The following ACTR1B variants were observed in gnomAD, a reference collection of about 807,000 sequenced individuals.
ACTR1B encodes beta-centractin.
In ACTR1B, 34 loss-of-function variants were observed where a neutral mutation model predicts 49.4. That is an observed-to-expected ratio of 0.69 (90% CI 0.52 to 0.92). ACTR1B has a LOEUF of 0.92. Ranked by LOEUF, ACTR1B falls within the 40% of genes least tolerant of loss-of-function variation. The pLI, the probability that ACTR1B is intolerant of heterozygous loss-of-function variation, is 0.00. For missense variants in ACTR1B, 471 were observed against 522.4 expected (o/e 0.90, Z 0.96); for synonymous variants, 207 against 207.8 (o/e 1.00, Z 0.03).
In ACTR1B at chr2:97,660,502, A is replaced by C. The variant is rs980727107; in HGVS notation, c.189+69T>G. The C allele has an allele frequency of 4.6e-6, 7 of 1,525,658 alleles. No homozygotes were observed. The African/African-American group carries it at 9.6e-5, about 21-fold the overall frequency. 94.5% of individuals were successfully genotyped at this position (1,525,658 alleles called of 1,614,324 possible). Reference sequence around the variant, plus strand: ...CCCGGGAGGTCACCAGCAGAGGCCCAAGAACACATGCCATGTTCCTGCAAC... The same window carrying C: ...CCCGGGAGGTCACCAGCAGAGGCCCCAGAACACATGCCATGTTCCTGCAAC... On this transcript the variant is annotated intron_variant, in intron 3 of 10. Transcript: ENST00000289228.
rs984349984 is a variant in ACTR1B, at chr2:97,659,349, C to T, written c.315+3G>A. On this transcript the variant is annotated splice_donor_region_variant and intron_variant, in intron 4 of 10. Coordinates refer to ENST00000289228, the MANE Select transcript of ACTR1B (RefSeq NM_005735.4). The surrounding 1 kb of genome is among the most constrained non-coding windows in gnomAD (Gnocchi z 4.0). The stretch of plus-strand genomic sequence containing the variant: ...GAGCATGCAGGAGGGGCAGCCGCCA[C>T]ACCTCCTCCGAGAAGGTCTGCAGCT... 13 of 1,613,794 alleles carry T rather than the reference C, an allele frequency of 8.1e-6. No homozygotes were observed. In the African/African-American group the frequency reaches 1.3e-4, roughly 17 times the overall value.
rs1218382410 is a variant in ACTR1B at position 97,659,189 on chromosome 2, C to T, written c.315+163G>A. 1.3e-5 allele frequency among the ~76,000 whole-genome samples: 2 copies of T among 152,186 alleles called. No homozygotes were observed. The highest frequency in any genetic ancestry group is 2.9e-5 in the Non-Finnish European group (2 of 68,034). On this transcript the variant is annotated intron_variant, in intron 4 of 10. Coordinates refer to ENST00000289228, the MANE Select transcript of ACTR1B (RefSeq NM_005735.4). The surrounding 1 kb of genome is among the most constrained non-coding windows in gnomAD (Gnocchi z 4.0). ...ATCCGGCTCTCTTTGGAAGATTCTG[C>T]CTAGCAGCCACTGGGTACGTATGCG... is the stretch of plus-strand genomic sequence containing the variant.
chr2:97,659,620 G>T lies in ACTR1B; in HGVS notation c.190-143C>A. 7.8e-7 allele frequency: 1 copy of T among 1,275,728 alleles called. No homozygotes were observed. Among genetic ancestry groups the T allele is most frequent in the Non-Finnish European group, 1.1e-6 (1 of 921,354 alleles). 79.0% of individuals were successfully genotyped at this position (1,275,728 alleles called of 1,614,324 possible). Reference sequence around the variant, plus strand: ...CACCCCTGCTCACTGGGTGTCCCAGGGTCTGTGGCGGGTCCTGAACTCAGC... The same window carrying T: ...CACCCCTGCTCACTGGGTGTCCCAGTGTCTGTGGCGGGTCCTGAACTCAGC... On this transcript the variant is annotated intron_variant, in intron 3 of 10. Coordinates refer to ENST00000289228, the MANE Select transcript of ACTR1B (RefSeq NM_005735.4). The surrounding 1 kb of genome is among the most constrained non-coding windows in gnomAD (Gnocchi z 4.0).
chr2:97,658,097 C>A lies in ACTR1B; in HGVS notation c.771G>T (p.Arg257=). 1 of 1,614,026 alleles carries A rather than the reference C, an allele frequency of 6.2e-7. No homozygotes were observed. The highest frequency in any genetic ancestry group is 8.5e-7 in the Non-Finnish European group (1 of 1,180,020). ...CCGGCTGGAACAGCAGCTCGGGGGC[C>A]CGGAATCGTGCAGGCCCCACCTTTA... ...STLDVGPARF[R]APELLFQPDL... is the part of the protein sequence containing the mutation. The change falls in exon 8 of 11, where the codon CGG becomes CGT. Residue 257 remains arginine, a synonymous_variant. Transcript: ENST00000289228. The surrounding 1 kb of genome is among the most constrained non-coding windows in gnomAD (Gnocchi z 5.9).
intron 3 of ACTR1B, 144 bp downstream of exon 3, chr2:97,660,425 CAG>C: frequency 5.4e-6 from 4 of 738,106 alleles, no homozygotes; most frequent in Non-Finnish European, 7.0e-6. Flanking sequence ...TGCCCCATCT[CAG>C]GGGGAGGTGC....
rs1674929192 is a variant in ACTR1B at position 97,658,773 on chromosome 2, A to G, written c.440+106T>C. 1 of 1,584,782 alleles carries G rather than the reference A, an allele frequency of 6.3e-7. No individual in the cohort carries two copies. Among genetic ancestry groups the G allele is most frequent in the African/African-American group, 1.3e-5 (1 of 74,258 alleles). ...GACACGAGGGACTCCCTAGAGGAAC[A>G]GTCATCAAGGGGCTGTTTTTCCAGG... On this transcript the variant is annotated intron_variant, in intron 5 of 10. Coordinates refer to ENST00000289228, the MANE Select transcript of ACTR1B (RefSeq NM_005735.4). This position sits in a 1 kb window ranked among gnomAD's most constrained non-coding sequence, Gnocchi z 5.9.
rs1674851270 is a variant in ACTR1B at position 97,656,703 on chromosome 2, G to A, written c.*155C>T. On this transcript the variant is annotated 3_prime_UTR_variant, in exon 11 of 11. Coordinates refer to ENST00000289228, the MANE Select transcript of ACTR1B (RefSeq NM_005735.4). Reference sequence around the variant, plus strand: ...TGTGTGTGCATGTCCTGTGTAGAGGGGAAGGCTGCAGGGGGGCACTGCTGT... The same window carrying A: ...TGTGTGTGCATGTCCTGTGTAGAGGAGAAGGCTGCAGGGGGGCACTGCTGT... 1.6e-6 allele frequency: 1 copy of A among 641,528 alleles called. No individual in the cohort carries two copies. Among genetic ancestry groups the A allele is most frequent in the South Asian group, 1.8e-5 (1 of 54,968 alleles). 39.7% of individuals were successfully genotyped at this position (641,528 alleles called of 1,614,324 possible).
intron 8 of ACTR1B, 33 bp downstream of exon 8, chr2:97,657,910 G>T: frequency 1.2e-6 from 2 of 1,607,076 alleles, no homozygotes; most frequent in Non-Finnish European, 1.7e-6. Context: ...CCTGGGCCTC[G>T]TCTCACCACC....
chr2:97,657,113 T>G (rs747444244), intron 10 of ACTR1B, 39 bp downstream of exon 10: 27 of 1,605,410 alleles, frequency 1.7e-5, no homozygotes, highest in Non-Finnish European at 2.3e-5. Context: ...CAGGGTAAAG[T>G]GGTCTCCTCC....
chr2:97,662,016 G>A, intron 1 of ACTR1B, 70 bp from the exon 2 acceptor site: 2 of 1,497,992 alleles, frequency 1.3e-6, no homozygotes, highest in Non-Finnish European at 1.8e-6. Context: ...GCAATGGAGA[G>A]AGCTGGCTGC....
intron 1 of ACTR1B, 94 bp downstream of exon 1, chr2:97,663,749 G>A (rs1307738353): frequency 3.9e-6 from 3 of 771,602 alleles, no homozygotes; most frequent in East Asian, 1.2e-4. Context: ...AGTGAGCGGA[G>A]GACGCGCCGA....
chr2:97,663,959 G>A lies in ACTR1B; in HGVS notation c.-69C>T, dbSNP rs886253163. The A allele has an allele frequency of 2.4e-6, 2 of 845,388 alleles. No individual in the cohort carries two copies. Among genetic ancestry groups the A allele is most frequent in the Non-Finnish European group, 3.2e-6 (2 of 632,276 alleles). 52.4% of individuals were successfully genotyped at this position (845,388 alleles called of 1,614,324 possible). ...GCACCGGATGGGCGGGCGGGCGGGA[G>A]GACCGGGACGGCGGCGGCTCCCGAC... On this transcript the variant is annotated 5_prime_UTR_variant, in exon 1 of 11. Transcript: ENST00000289228.
intron 2 of ACTR1B, among the ~76,000 whole-genome samples, chr2:97,660,870 C>A (rs556203737): frequency 6.6e-6 from 1 of 152,194 alleles, no homozygotes; most frequent in South Asian, 2.1e-4. Context: ...TCAGCAGAGA[C>A]AGCTGCATGT....
chr2:97,663,900 G>A lies in ACTR1B; in HGVS notation c.-10C>T. 7.3e-7 allele frequency: 1 copy of A among 1,370,994 alleles called. No homozygotes were observed. Among genetic ancestry groups the A allele is most frequent in the Middle Eastern group, 2.6e-4 (1 of 3,866 alleles). 84.9% of individuals were successfully genotyped at this position (1,370,994 alleles called of 1,614,324 possible). On this transcript the variant is annotated 5_prime_UTR_variant, in exon 1 of 11. Transcript: ENST00000289228. ...TGTCGTAGGACTCCATGGCCGGGCC[G>A]CGCCGGCCCTGCCCAGCAGGCGGGC...
intron 2 of ACTR1B, 87 bp downstream of exon 2, chr2:97,661,795 T>A: frequency 1.5e-6 from 2 of 1,369,088 alleles, no homozygotes; most frequent in Non-Finnish European, 2.0e-6. Context: ...GGGCACAAAT[T>A]GTCTTCAAAG....
Position 97,658,075 on chromosome 2 carries a change from G to C in ACTR1B, c.793C>G (p.Pro265Ala). The C allele has an allele frequency of 6.2e-7, 1 of 1,614,134 alleles. No individual in the cohort carries two copies. The highest frequency in any genetic ancestry group is 1.6e-4 in the Middle Eastern group (1 of 6,062). The change falls in exon 8 of 11, where the codon CCG (proline) becomes GCG (alanine). Residue 265 changes from proline to alanine, a missense_variant. Transcript: ENST00000289228. The surrounding 1 kb of genome is among the most constrained non-coding windows in gnomAD (Gnocchi z 5.9). Reference sequence around the variant, plus strand: ...TCACTCTCATCCCCGACAAGGTCCGGCTGGAACAGCAGCTCGGGGGCCCGG... The same window carrying C: ...TCACTCTCATCCCCGACAAGGTCCGCCTGGAACAGCAGCTCGGGGGCCCGG... Reference protein sequence around the residue: ...RFRAPELLFQPDLVGDESEGL... With the variant: ...RFRAPELLFQADLVGDESEGL...
Position 97,657,205 on chromosome 2 carries a change from A to G in ACTR1B, c.988-13T>C. On this transcript the variant is annotated splice_polypyrimidine_tract_variant and intron_variant, in intron 9 of 10. Transcript: ENST00000289228. ...GCGGGGCTGAGATCTAGAAGGAGGA[A>G]GTGGCCACGTTAACTGTGGATCCCC... 2.5e-6 allele frequency: 4 copies of G among 1,612,230 alleles called. No homozygotes were observed. The highest frequency in any genetic ancestry group is 2.5e-6 in the Non-Finnish European group (3 of 1,179,260).
At position 97,663,893 on chromosome 2, in the gene ACTR1B, C is replaced by A. The variant is rs772062075; in HGVS notation, c.-3G>T. ...GCGATGATGTCGTAGGACTCCATGG[C>A]CGGGCCGCGCCGGCCCTGCCCAGCA... On this transcript the variant is annotated 5_prime_UTR_variant, in exon 1 of 11. Transcript: ENST00000289228. 2 of 1,367,348 alleles carry A rather than the reference C, an allele frequency of 1.5e-6. No individual in the cohort carries two copies. Among genetic ancestry groups the A allele is most frequent in the South Asian group, 3.1e-5 (2 of 64,988 alleles). 84.7% of individuals were successfully genotyped at this position (1,367,348 alleles called of 1,614,324 possible).
At position 97,663,953 on chromosome 2, in the gene ACTR1B, G is replaced by A; in HGVS notation, c.-63C>T. On this transcript the variant is annotated 5_prime_UTR_variant, in exon 1 of 11. Transcript: ENST00000289228. ...CAGGAGGCACCGGATGGGCGGGCGG[G>A]CGGGAGGACCGGGACGGCGGCGGCT... 3 of 898,800 alleles carry A rather than the reference G, an allele frequency of 3.3e-6. No individual in the cohort carries two copies. The highest frequency in any genetic ancestry group is 3.7e-5 in the South Asian group (1 of 27,070). The allele number at this position is 898,800 out of a possible 1,614,324, so 55.7% of individuals were successfully genotyped here.
Sources: gnomAD v4.1 joint callset for allele counts (sites outside exome capture counted in the v4.1 genomes callset) on GRCh38, gnomAD v4.1.1 for gene constraint, Gnocchi (gnomAD v3.1) non-coding constraint, MANE v1.5 for transcripts, NCBI Gene and HGNC (gene_info 2026-07-23, HGNC 2026-07-21) for gene names.